Variants in LARS1 observed in about 807,000 individuals in gnomAD.
LARS1 encodes leucine--tRNA ligase, cytoplasmic.
LARS1 carries 100 observed loss-of-function variants against 162.8 expected under a neutral mutation model. That is an observed-to-expected ratio of 0.61 (90% CI 0.52 to 0.73). LARS1 has a LOEUF of 0.73. LARS1 is among the 30% of genes least tolerant of loss of function. LARS1 has a pLI of 0.00. For missense variants in LARS1, 1,258 were observed against 1,408.9 expected (o/e 0.89, Z 1.71); for synonymous variants, 457 against 462.8 (o/e 0.99, Z 0.16).
At chr5:146,137,769 G>A (rs116804669) in intron 21 of LARS1, 101 of 314,852 alleles carry the variant, frequency 3.2e-4, no homozygotes, top group Admixed American at 7.5e-4. Context: ...CTGGAAGGCT[G>A]TGGTCCAAGG....
At chr5:146,135,540 T>A (rs1469427236) in intron 22 of LARS1, 61 bp downstream of exon 22, 3 of 1,212,008 alleles carry the variant, frequency 2.5e-6, no homozygotes, top group Non-Finnish European at 3.5e-6. Flanking sequence ...AATTTTAACG[T>A]GTCTTCTATA....
At chr5:146,178,066 C>T (rs1190486994) in intron 1 of LARS1, among the ~76,000 whole-genome samples, 1 of 151,994 alleles carries the variant, frequency 6.6e-6, no homozygotes, top group Non-Finnish European at 1.5e-5. Flanking sequence ...CCATTGCACT[C>T]CAGCTTGGGT....
At chr5:146,122,451 G>C (rs1246643541) in intron 30 of LARS1, 41 bp downstream of exon 30, 1 of 1,138,852 alleles carries the variant, frequency 8.8e-7, no homozygotes, top group East Asian at 2.4e-5. Flanking sequence ...GTCTCTTCTG[G>C]TTTTAAAATG....
intron 29 of LARS1, among the ~76,000 whole-genome samples, chr5:146,123,374 G>A (rs1336677494): frequency 6.6e-6 from 1 of 151,844 alleles, no homozygotes; most frequent in Non-Finnish European, 1.5e-5. Flanking sequence ...AAGATTGGAT[G>A]GGGAGAACGT....
chr5:146,155,822 C>T (rs1386768779), intron 10 of LARS1, among the ~76,000 whole-genome samples: 4 of 152,230 alleles, frequency 2.6e-5, no homozygotes, highest in Non-Finnish European at 5.9e-5. Flanking sequence ...GTCCCTAATA[C>T]TGTTCCCAAG....
chr5:146,174,555 C>CATAT (rs1165292996), intron 2 of LARS1, among the ~76,000 whole-genome samples: 80 of 79,100 alleles, frequency 1.0e-3, no homozygotes, highest in South Asian at 2.6e-3. Flanking sequence ...TGTATATATC[C>CATAT]ATATATATAT....
chr5:146,151,889 C>A lies in LARS1; in HGVS notation c.1398G>T (p.Lys466Asn). Residue 466 changes from lysine to asparagine, a missense_variant, in exon 14 of 32, where the codon AAG becomes AAT. Physicochemically the swap from Lys to Asn is moderately conservative, Grantham distance 94. Coordinates refer to ENST00000394434, the MANE Select transcript of LARS1 (RefSeq NM_020117.11). ...DREKLAEAKEKIYLKGFYEGI... is the reference protein window; with the variant it reads ...DREKLAEAKENIYLKGFYEGI... ...CCTCATAAAATCCTTTTAGATATAT[C>A]TTCTCCTTTGCTTCTGCAAGTTTTT... 1 of 1,613,970 alleles carries A rather than the reference C, an allele frequency of 6.2e-7. No individual in the cohort carries two copies. Among genetic ancestry groups the A allele is most frequent in the Non-Finnish European group, 8.5e-7 (1 of 1,179,958 alleles).
chr5:146,174,836 C>G (rs1217156789), intron 2 of LARS1, among the ~76,000 whole-genome samples: 4 of 151,932 alleles, frequency 2.6e-5, no homozygotes. Context: ...GTAATCCCAA[C>G]ACTTTGGGAG....
Position 146,153,668 on chromosome 5 carries a change from A to C in LARS1, c.1230+66T>G, listed in dbSNP as rs1753393687. 19 of 1,177,038 alleles carry C rather than the reference A, an allele frequency of 1.6e-5. No individual in the cohort carries two copies. The East Asian group carries it at 4.5e-4, about 28-fold the overall frequency. 72.9% of individuals were successfully genotyped at this position (1,177,038 alleles called of 1,614,324 possible). ...GCTTTTTAGCCTAGTCCCACAGCGT[A>C]GTTCAGCAGCACCTAAGCAATGAGA... On this transcript the variant is annotated intron_variant, in intron 12 of 31. Coordinates refer to ENST00000394434, the MANE Select transcript of LARS1 (RefSeq NM_020117.11).
At chr5:146,150,492 T>C (rs1753221523) in intron 14 of LARS1, among the ~76,000 whole-genome samples, 1 of 152,116 alleles carries the variant, frequency 6.6e-6, no homozygotes, top group African/African-American at 2.4e-5. Context: ...CTGGGTGTGA[T>C]GGCAGGGGCC....
chr5:146,172,880 G>T, intron 2 of LARS1, 106 bp from the exon 3 acceptor site: 1 of 451,528 alleles, frequency 2.2e-6, no homozygotes, highest in Non-Finnish European at 3.9e-6. Context: ...ATAACTTAAG[G>T]TTATTTAAAA....
chr5:146,142,780 T>A lies in LARS1; in HGVS notation c.2090+92A>T, dbSNP rs1451807783. ...GAATGTAACTGGCAAATCTATACCA[T>A]CCCCTCCACAATAATTTATTAGATA... On this transcript the variant is annotated intron_variant, in intron 20 of 31. Transcript: ENST00000394434. The A allele has an allele frequency of 5.3e-6, 5 of 947,394 alleles. No homozygotes were observed. The African/African-American group carries it at 6.7e-5, about 13-fold the overall frequency. The allele number at this position is 947,394 out of a possible 1,614,324, so 58.7% of individuals were successfully genotyped here.
At chr5:146,165,887 T>C (rs1459184868) in intron 5 of LARS1, among the ~76,000 whole-genome samples, 2 of 152,188 alleles carry the variant, frequency 1.3e-5, no homozygotes, top group South Asian at 2.1e-4. Context: ...CTCACTGTTG[T>C]AGTAAGAAGT....
intron 31 of LARS1, among the ~76,000 whole-genome samples, chr5:146,115,044 G>T (rs1764140407): frequency 8.0e-6 from 1 of 125,414 alleles, no homozygotes; most frequent in Admixed American, 8.5e-5. Flanking sequence ...TTCTGTCGGG[G>T]GGAAAAAAAA....
At chr5:146,128,952 T>TAAAA in intron 26 of LARS1, 26 bp downstream of exon 26, 1 of 1,199,072 alleles carries the variant, frequency 8.3e-7, no homozygotes, top group Non-Finnish European at 1.1e-6. Context: ...AATAATCCTT[T>TAAAA]AAAAAAAAAA....
chr5:146,166,497 C>T (rs564549931), intron 5 of LARS1, among the ~76,000 whole-genome samples: 1 of 152,102 alleles, frequency 6.6e-6, no homozygotes, highest in East Asian at 1.9e-4. Context: ...ACAGCTTGAG[C>T]CCCAGAGCTG....
At chr5:146,168,331 T>C in intron 4 of LARS1, 66 bp from the exon 5 acceptor site, 1 of 1,510,546 alleles carries the variant, frequency 6.6e-7, no homozygotes, top group African/African-American at 1.4e-5. Context: ...TTTTTTACTG[T>C]TTTTATTGCC....
At chr5:146,182,129 C>CG (rs1282461064) in intron 1 of LARS1, 10 of 217,438 alleles carry the variant, frequency 4.6e-5, no homozygotes, top group East Asian at 2.2e-4. Flanking sequence ...TTGGTAGAAA[C>CG]GGGGTCTCAC....
intron 1 of LARS1, among the ~76,000 whole-genome samples, chr5:146,181,383 A>AC (rs1302474924): frequency 1.3e-5 from 2 of 151,670 alleles, no homozygotes; most frequent in Non-Finnish European, 2.9e-5. Flanking sequence ...ACAAAAAACA[A>AC]AAAAAAATAA....
Sources: gnomAD v4.1 joint callset for allele counts (sites outside exome capture counted in the v4.1 genomes callset) on GRCh38, gnomAD v4.1.1 for gene constraint, MANE v1.5 for transcripts, NCBI Gene and HGNC (gene_info 2026-07-23, HGNC 2026-07-21) for gene names.